ANAPC1: variants seen among roughly 807,000 people sequenced by gnomAD.
ANAPC1 encodes anaphase promoting complex subunit 1, also known as anaphase-promoting complex subunit 1.
In ANAPC1, 36 loss-of-function variants were observed where a neutral mutation model predicts 208.0. The ratio of observed to expected loss-of-function variants is 0.17; its 90% CI spans 0.13 to 0.23. The LOEUF (loss-of-function observed/expected upper bound fraction) is 0.23, where lower values mean the gene tolerates loss of function less well. Ranked by LOEUF, ANAPC1 falls within the 10% of genes least tolerant of loss-of-function variation. The pLI is 1.00. For synonymous variants in ANAPC1, 378 were observed against 695.2 expected, an observed-to-expected ratio of 0.54 and a Z score of 7.18; for missense variants, 942 against 2,011.6, an observed-to-expected ratio of 0.47 and a Z score of 10.17.
chr2:111,852,728 G>A (rs1421857221), intron 13 of ANAPC1, among the ~76,000 whole-genome samples: 2 of 151,822 alleles, frequency 1.3e-5, no homozygotes, highest in Non-Finnish European at 1.5e-5. Flanking sequence ...TAGGTTTTAC[G>A]TACTTAAATG....
chr2:111,769,505 G>A lies in ANAPC1; in HGVS notation c.5720-99C>T, dbSNP rs566909714. 602 of 606,908 alleles carry A rather than the reference G, an allele frequency of 9.9e-4. No individual in the cohort carries two copies. The African/African-American group carries it at 0.01, about 11-fold the overall frequency. 37.6% of individuals were successfully genotyped at this position (606,908 alleles called of 1,614,324 possible). On this transcript the variant is annotated intron_variant, in intron 47 of 47. Transcript: ENST00000341068. ...CAGAAACACAATCATGTTTAAAACA[G>A]GCATTTTTCCCTTTGAAAATGACTA...
chr2:111,820,094 G>A lies in ANAPC1; in HGVS notation c.3207-1136C>T, dbSNP rs551145019. 4.6e-3 allele frequency among the ~76,000 whole-genome samples: 704 copies of A among 152,270 alleles called. 3 individuals are homozygous for A. Among genetic ancestry groups the A allele is most frequent in the African/African-American group, 0.014 (562 of 41,554 alleles). On this transcript the variant is annotated intron_variant, in intron 26 of 47. Transcript: ENST00000341068. ...CATTATTTCATGAGAAACTAAGAAAGAAAAAGCACTGCCAATTAAACTATG... is the reference window on the plus strand; with the variant it reads ...CATTATTTCATGAGAAACTAAGAAAAAAAAAGCACTGCCAATTAAACTATG...
intron 13 of ANAPC1, among the ~76,000 whole-genome samples, chr2:111,852,339 A>G (rs1192108831): frequency 6.6e-6 from 1 of 151,488 alleles, no homozygotes; most frequent in South Asian, 2.1e-4. Flanking sequence ...CAAAGTGCCT[A>G]TAACACAGAC....
chr2:111,862,761 G>C (rs1171541465), intron 9 of ANAPC1, among the ~76,000 whole-genome samples, 163 bp from the exon 10 acceptor site: 2 of 151,902 alleles, frequency 1.3e-5, no homozygotes, highest in Non-Finnish European at 2.9e-5. Context: ...TATTTAAATG[G>C]TTCATGTCAA....
At chr2:111,830,066 T>C (rs1361824365) in intron 21 of ANAPC1, among the ~76,000 whole-genome samples, 1 of 151,352 alleles carries the variant, frequency 6.6e-6, no homozygotes, top group Non-Finnish European at 1.5e-5. Flanking sequence ...TGAGACTCTG[T>C]CTCAAAAATA....
Position 111,825,040 on chromosome 2 carries a change from T to C in ANAPC1, c.2742-4A>G. On this transcript the variant is annotated splice_polypyrimidine_tract_variant and splice_region_variant and intron_variant, in intron 23 of 47. Coordinates refer to ENST00000341068, the MANE Select transcript of ANAPC1 (RefSeq NM_022662.4). ...TGTAGAATGCCTGAAACTAAACCTATAAGAGAATAAAACATAAAGTTATTA... is the reference window on the plus strand; with the variant it reads ...TGTAGAATGCCTGAAACTAAACCTACAAGAGAATAAAACATAAAGTTATTA... 1 of 1,613,876 alleles carries C rather than the reference T, an allele frequency of 6.2e-7. No homozygotes were observed. Among genetic ancestry groups the C allele is most frequent in the East Asian group, 2.2e-5 (1 of 44,864 alleles).
At chr2:111,849,118 C>T (rs1351760151) in intron 14 of ANAPC1, among the ~76,000 whole-genome samples, 4 of 152,318 alleles carry the variant, frequency 2.6e-5, no homozygotes, top group South Asian at 2.1e-4. Flanking sequence ...GATGTATTTA[C>T]TCTATTCCAG....
chr2:111,778,325 C>T (rs931577618), intron 45 of ANAPC1, among the ~76,000 whole-genome samples: 3 of 152,092 alleles, frequency 2.0e-5, no homozygotes, highest in African/African-American at 4.8e-5. Flanking sequence ...TGTTCACTAA[C>T]GGCTCACATG....
chr2:111,863,681 G>A lies in ANAPC1; in HGVS notation c.1046C>T (p.Ala349Val), dbSNP rs141781908. Reference protein sequence around the residue: ...SRSPSISNMAALSRAHSPALG... With the variant: ...SRSPSISNMAVLSRAHSPALG... The stretch of plus-strand genomic sequence containing the variant: ...AACCAGGAAACCCTTATACCTTAGA[G>A]CTGCCATGTTGGAAATAGAAGGTGA... Residue 349 changes from alanine (A) to valine (V), a missense_variant, in exon 9 of 48, where the codon GCT (alanine) becomes GTT (valine). Coordinates refer to ENST00000341068, the MANE Select transcript of ANAPC1 (RefSeq NM_022662.4). 33 of 1,613,048 alleles carry A rather than the reference G, an allele frequency of 2.0e-5. No homozygotes were observed. The African/African-American group carries it at 3.1e-4, about 15-fold the overall frequency.
chr2:111,828,952 C>T (rs1159289024), intron 21 of ANAPC1, among the ~76,000 whole-genome samples: 4 of 152,322 alleles, frequency 2.6e-5, no homozygotes, highest in African/African-American at 7.2e-5. Flanking sequence ...CAGTGGCTCA[C>T]GCCTGTAACC....
At chr2:111,833,681 T>TA (rs372311361) in intron 19 of ANAPC1, among the ~76,000 whole-genome samples, 884 of 85,958 alleles carry the variant, frequency 0.01, 24 homozygotes, top group African/African-American at 0.03. Flanking sequence ...ATAAAATATG[T>TA]AAAAAAAAAA....
At chr2:111,880,889 C>G (rs1250976496) in intron 1 of ANAPC1, 40 bp from the exon 2 acceptor site, 11 of 1,503,316 alleles carry the variant, frequency 7.3e-6, no homozygotes, top group Non-Finnish European at 1.0e-5. Flanking sequence ...CTTCCAGACT[C>G]AAAACTAGAA....
chr2:111,868,674 G>A (rs1682567407), intron 6 of ANAPC1, among the ~76,000 whole-genome samples: 1 of 152,096 alleles, frequency 6.6e-6, no homozygotes, highest in Non-Finnish European at 1.5e-5. Context: ...GGGATTACAG[G>A]CACACGCCAC....
chr2:111,883,213 GAAAAC>G (rs534502337), intron 1 of ANAPC1, among the ~76,000 whole-genome samples: 34 of 125,136 alleles, frequency 2.7e-4, no homozygotes, highest in African/African-American at 1.0e-3. Flanking sequence ...AACCTTAAAA[GAAAAC>G]AAAATTCAGC....
chr2:111,842,035 C>G (rs1303869026), intron 17 of ANAPC1, among the ~76,000 whole-genome samples: 1 of 152,124 alleles, frequency 6.6e-6, no homozygotes, highest in Non-Finnish European at 1.5e-5. Flanking sequence ...AGATTCAATG[C>G]TTGGGAAGTA....
At chr2:111,847,900 G>A in intron 14 of ANAPC1, 35 bp from the exon 15 acceptor site, 1 of 1,501,894 alleles carries the variant, frequency 6.7e-7, no homozygotes, top group Non-Finnish European at 8.9e-7. Context: ...CAAATGAATT[G>A]TTTTCTGAGA....
At chr2:111,801,351 C>A in intron 33 of ANAPC1, among the ~76,000 whole-genome samples, 1 of 142,120 alleles carries the variant, frequency 7.0e-6, no homozygotes, top group African/African-American at 2.7e-5. Context: ...AGTGAGACTC[C>A]ATCTCATAAA....
chr2:111,849,035 C>T (rs1393590348), intron 14 of ANAPC1, among the ~76,000 whole-genome samples: 1 of 152,204 alleles, frequency 6.6e-6, no homozygotes, highest in African/African-American at 2.4e-5. Flanking sequence ...GACCACTGAT[C>T]CTTTTTGATT....
intron 8 of ANAPC1, among the ~76,000 whole-genome samples, chr2:111,864,463 C>CATACTT (rs1682287822): frequency 1.1e-5 from 1 of 95,186 alleles, no homozygotes; most frequent in Admixed American, 1.6e-4. Flanking sequence ...TATATATATA[C>CATACTT]TTTTTTTTTT....
Sources: allele counts gnomAD v4.1 joint callset (sites outside exome capture counted in the v4.1 genomes callset), GRCh38; gene constraint gnomAD v4.1.1; transcripts MANE v1.5; gene names NCBI Gene and HGNC (gene_info 2026-07-23, HGNC 2026-07-21).